The following ERBB4 variants were observed in gnomAD, a reference collection of about 807,000 sequenced individuals.
ERBB4 encodes the protein erb-b2 receptor tyrosine kinase 4, also known as receptor tyrosine-protein kinase erbB-4.
A neutral mutation model predicts 158.0 loss-of-function variants in ERBB4; 42 were observed. The ratio of observed to expected loss-of-function variants is 0.27; its 90% CI spans 0.21 to 0.34. ERBB4 has a LOEUF of 0.34. ERBB4 is among the 10% of genes least tolerant of loss of function. ERBB4 has a pLI of 1.00. For missense variants in ERBB4, 1,333 were observed against 1,624.1 expected (o/e 0.82, Z 3.08); for synonymous variants, 583 against 558.7 (o/e 1.04, Z -0.61).
chr2:212,374,001 T>C (rs1409340950), intron 1 of ERBB4, among the ~76,000 whole-genome samples: 1 of 135,780 alleles, frequency 7.4e-6, no homozygotes, highest in African/African-American at 2.6e-5. Flanking sequence ...TATATCCATA[T>C]ATATATATCC....
At chr2:211,872,305 A>G (rs1049821021) in intron 3 of ERBB4, among the ~76,000 whole-genome samples, 3 of 152,198 alleles carry the variant, frequency 2.0e-5, no homozygotes, top group African/African-American at 4.8e-5. Flanking sequence ...TATAAAGTAC[A>G]CAGAGAAAGT....
chr2:212,421,657 T>C (rs572602138), intron 1 of ERBB4, among the ~76,000 whole-genome samples: 1 of 152,282 alleles, frequency 6.6e-6, no homozygotes, highest in East Asian at 1.9e-4. Context: ...TAAGAACCAC[T>C]AAGTGGAAGA....
chr2:211,621,734 T>C (rs1298854311), intron 18 of ERBB4, among the ~76,000 whole-genome samples: 1 of 152,224 alleles, frequency 6.6e-6, no homozygotes, highest in African/African-American at 2.4e-5. Flanking sequence ...ATCTTAAAAA[T>C]GGAAGTACGT....
At chr2:212,096,928 T>C (rs2078949356) in intron 2 of ERBB4, among the ~76,000 whole-genome samples, 1 of 152,168 alleles carries the variant, frequency 6.6e-6, no homozygotes, top group Non-Finnish European at 1.5e-5. Context: ...CTATTATTAT[T>C]ATGTGCAATA....
At chr2:212,453,400 T>TA (rs1317013248) in intron 1 of ERBB4, among the ~76,000 whole-genome samples, 2 of 152,162 alleles carry the variant, frequency 1.3e-5, no homozygotes, top group African/African-American at 4.8e-5. Flanking sequence ...ACCCAAGCTA[T>TA]ATCTAGCAAT....
At chr2:212,437,572 T>A (rs1190420673) in intron 1 of ERBB4, among the ~76,000 whole-genome samples, 3 of 151,946 alleles carry the variant, frequency 2.0e-5, no homozygotes, top group Non-Finnish European at 4.4e-5. Context: ...TGCCTAATTA[T>A]GCCTCCCCTT....
At chr2:211,831,627 T>C (rs918213901) in intron 3 of ERBB4, among the ~76,000 whole-genome samples, 2 of 152,188 alleles carry the variant, frequency 1.3e-5, no homozygotes, top group Admixed American at 1.3e-4. Flanking sequence ...TTGCCAGTCA[T>C]GGTAACATTA....
At chr2:211,977,036 A>G (rs192789834) in intron 2 of ERBB4, among the ~76,000 whole-genome samples, 10 of 152,358 alleles carry the variant, frequency 6.6e-5, no homozygotes, top group African/African-American at 1.4e-4. Flanking sequence ...ATGATTGTCA[A>G]TACAATCAAG....
At chr2:211,628,817 C>T (rs987840453) in intron 17 of ERBB4, among the ~76,000 whole-genome samples, 7 of 152,164 alleles carry the variant, frequency 4.6e-5, no homozygotes, top group African/African-American at 1.7e-4. Context: ...TTCTCCACAT[C>T]CTCTCCAGCA....
rs555027476 is a variant in ERBB4, at chr2:212,199,842, G to A, written c.83-74939C>T. ...CCAGAGACAGCCAATGAACCAATCA[G>A]AATTCATTGACTGCCAGTCTGACCT... is the stretch of plus-strand genomic sequence containing the variant. On this transcript the variant is annotated intron_variant, in intron 1 of 27. Transcript: ENST00000342788. Among the ~76,000 whole-genome samples the A allele has an allele frequency of 2.1e-3, 317 of 150,260 alleles. 1 individual carries two copies. Among genetic ancestry groups the A allele is most frequent in the African/African-American group, 7.3e-3 (294 of 40,354 alleles).
chr2:212,330,475 G>A (rs1215639654), intron 1 of ERBB4, among the ~76,000 whole-genome samples: 1 of 151,814 alleles, frequency 6.6e-6, no homozygotes, highest in Non-Finnish European at 1.5e-5. Flanking sequence ...AAACAAAGCA[G>A]GCATGGTGGC....
chr2:211,941,760 C>T (rs949963059), intron 3 of ERBB4, among the ~76,000 whole-genome samples: 3 of 146,898 alleles, frequency 2.0e-5, no homozygotes, highest in Non-Finnish European at 4.5e-5. Flanking sequence ...ACCCAAAGCC[C>T]CAAGGAAACA....
In ERBB4 at chr2:211,515,905, T is replaced by TATATATATATATAC. The variant is rs1559248803; in HGVS notation, c.2487+45997_2487+45998insGTATATATATATAT. On this transcript the variant is annotated intron_variant, in intron 20 of 27. Transcript: ENST00000342788. ...TATATAAAAACATATATTATATATATATATATATTTTTTTTTTTTTTTTTT... is the reference window on the plus strand; with the variant it reads ...TATATAAAAACATATATTATATATATATATATATATATACATATATATTTTTTTTTTTTTTTTTT... Among the ~76,000 whole-genome samples, 12 of 91,070 alleles carry TATATATATATATAC rather than the reference T, an allele frequency of 1.3e-4. No individual in the cohort carries two copies. The East Asian group carries it at 3.5e-3, about 27-fold the overall frequency. 59.7% of individuals were successfully genotyped at this position (91,070 alleles called of 152,430 possible). A position where few individuals can be genotyped will look rare whatever the true frequency, so the allele number is the denominator to read the frequency against.
chr2:212,463,379 T>C (rs1324868226), intron 1 of ERBB4, among the ~76,000 whole-genome samples: 1 of 152,132 alleles, frequency 6.6e-6, no homozygotes, highest in Non-Finnish European at 1.5e-5. Context: ...TGAACATTTG[T>C]GTCAATTAAA....
At chr2:212,005,208 G>T (rs1189710627) in intron 2 of ERBB4, among the ~76,000 whole-genome samples, 1 of 152,026 alleles carries the variant, frequency 6.6e-6, no homozygotes, top group Non-Finnish European at 1.5e-5. Context: ...ATCCCATTGA[G>T]TGAGAGTCAC....
At chr2:212,525,706 C>G (rs1692411919) in intron 1 of ERBB4, among the ~76,000 whole-genome samples, 1 of 151,966 alleles carries the variant, frequency 6.6e-6, no homozygotes, top group African/African-American at 2.4e-5. Context: ...AAAGTTTACT[C>G]TGTTGGATAA....
At chr2:212,109,171 G>C (rs74315709) in intron 2 of ERBB4, among the ~76,000 whole-genome samples, 1 of 152,002 alleles carries the variant, frequency 6.6e-6, no homozygotes, top group Admixed American at 6.6e-5. Context: ...CTTTAATTTT[G>C]TCTTTTATTT....
chr2:212,350,250 C>T (rs2089195104), intron 1 of ERBB4, among the ~76,000 whole-genome samples: 1 of 151,988 alleles, frequency 6.6e-6, no homozygotes, highest in Admixed American at 6.6e-5. Context: ...ATGAATTTTC[C>T]TAGCTGACAA....
At chr2:211,995,580 ATTT>A (rs1223015974) in intron 2 of ERBB4, among the ~76,000 whole-genome samples, 1 of 152,014 alleles carries the variant, frequency 6.6e-6, no homozygotes, top group Non-Finnish European at 1.5e-5. Flanking sequence ...ATGGCCCTTG[ATTT>A]TTTATCCTTC....
Sources: gnomAD v4.1 joint callset for allele counts (sites outside exome capture counted in the v4.1 genomes callset) on GRCh38, gnomAD v4.1.1 for gene constraint, MANE v1.5 for transcripts, NCBI Gene and HGNC (gene_info 2026-07-23, HGNC 2026-07-21) for gene names.